Variants in TMEM233 observed in about 807,000 individuals in gnomAD.
TMEM233 encodes the protein transmembrane protein 233.
A neutral mutation model predicts 11.2 loss-of-function variants in TMEM233; 6 were observed. That is an observed-to-expected ratio of 0.54 (90% confidence interval 0.29 to 1.06). The LOEUF is 1.06. Ranked by LOEUF, TMEM233 falls within the 50% of genes least tolerant of loss-of-function variation. The pLI is 0.08. For missense variants in TMEM233, 127 were observed against 144.7 expected (o/e 0.88, Z 0.63); for synonymous variants, 59 against 55.8 (o/e 1.06, Z -0.26).
chr12:119,611,903 C>T (rs1954406014), intron 1 of TMEM233, among the ~76,000 whole-genome samples: 1 of 152,176 alleles, frequency 6.6e-6, no homozygotes, highest in African/African-American at 2.4e-5. Flanking sequence ...ATGCCAACCT[C>T]TCTTTCAGTT....
At chr12:119,609,510 C>T (rs991293280) in intron 1 of TMEM233, among the ~76,000 whole-genome samples, 2 of 152,212 alleles carry the variant, frequency 1.3e-5, no homozygotes, top group African/African-American at 4.8e-5. Context: ...AAGGCAGCCC[C>T]TCTTATCACA....
At chr12:119,620,349 A>G (rs7952841) in intron 1 of TMEM233, among the ~76,000 whole-genome samples, 38,198 of 152,152 alleles carry the variant, frequency 0.25, 5,342 homozygotes, top group Middle Eastern at 0.35. Flanking sequence ...CTGCAGGGCA[A>G]TTTGGCTCTA....
At chr12:119,644,203 G>T (rs1431961967), downstream of TMEM233, among the ~76,000 whole-genome samples, 1 of 152,182 alleles carries the variant, frequency 6.6e-6, no homozygotes, top group Admixed American at 6.5e-5. Context: ...CCAGGGGTGT[G>T]TGGTGCCCTC....
chr12:119,598,425 C>A (rs1954091977), intron 1 of TMEM233, among the ~76,000 whole-genome samples: 2 of 152,340 alleles, frequency 1.3e-5, no homozygotes, highest in South Asian at 4.1e-4. Context: ...TAACCAATGA[C>A]TTTTGACTGG....
At position 119,612,108 on chromosome 12, in the gene TMEM233, G is replaced by A. The variant is rs899605600; in HGVS notation, c.187-17628G>A. 1.9e-4 allele frequency among the ~76,000 whole-genome samples: 29 copies of A among 151,880 alleles called. No individual in the cohort carries two copies. The Middle Eastern group carries it at 0.01, about 53-fold the overall frequency. On this transcript the variant is annotated intron_variant, in intron 1 of 2. Transcript: ENST00000426426. ...TCCCGGGTTCAAGTGACTCTCCTGC[G>A]TCAGCCTCCTGAGTAGCTGGGACTA...
intron 1 of TMEM233, among the ~76,000 whole-genome samples, chr12:119,604,099 G>A (rs1954218723): frequency 6.6e-6 from 1 of 152,182 alleles, no homozygotes. Context: ...TTCAGGGCAG[G>A]ACACTCTTCA....
chr12:119,654,247 A>ATTC, the TMEM233 span, among the ~76,000 whole-genome samples: 1 of 152,224 alleles, frequency 6.6e-6, no homozygotes, highest in Non-Finnish European at 1.5e-5. Context: ...TAGTGAAAAT[A>ATTC]TTCTTCAACA....
chr12:119,594,655 T>C lies in TMEM233; in HGVS notation c.186+621T>C, dbSNP rs970950484. Among the ~76,000 whole-genome samples, 2 of 152,186 alleles carry C rather than the reference T, an allele frequency of 1.3e-5. No homozygotes were observed. The highest frequency in any genetic ancestry group is 4.8e-5 in the African/African-American group (2 of 41,458). ...TTCCGCGCTTTGGCACGGCACGCTCTGTCCAGGCAACAGTTTCCTCTCGCT... is the reference window on the plus strand; with the variant it reads ...TTCCGCGCTTTGGCACGGCACGCTCCGTCCAGGCAACAGTTTCCTCTCGCT... On this transcript the variant is annotated intron_variant, in intron 1 of 2. Coordinates refer to ENST00000426426, the MANE Select transcript of TMEM233 (RefSeq NM_001136534.3). The surrounding 1 kb of genome is among the most constrained non-coding windows in gnomAD (Gnocchi z 5.6).
In TMEM233 at chr12:119,594,120, G is replaced by A; in HGVS notation, c.186+86G>A. ...GCAGGGGAGTCCGCGCGCTCTCTGC[G>A]GCTCCCTTCCTCACGGCCCGGCCCG... On this transcript the variant is annotated intron_variant, in intron 1 of 2. Transcript: ENST00000426426. This position sits in a 1 kb window ranked among gnomAD's most constrained non-coding sequence, Gnocchi z 5.6. The A allele has an allele frequency of 7.3e-7, 1 of 1,372,556 alleles. No homozygotes were observed. 85.0% of individuals were successfully genotyped at this position (1,372,556 alleles called of 1,614,324 possible).
rs1045482750 is a variant in TMEM233 at position 119,594,119 on chromosome 12, C to A, written c.186+85C>A. The A allele has an allele frequency of 1.5e-5, 21 of 1,368,798 alleles. No homozygotes were observed. The highest frequency in any genetic ancestry group is 2.0e-5 in the Non-Finnish European group (20 of 1,005,932). 84.8% of individuals were successfully genotyped at this position (1,368,798 alleles called of 1,614,324 possible). A position where few individuals can be genotyped will look rare whatever the true frequency, so the allele number is the denominator to read the frequency against. ...TGCAGGGGAGTCCGCGCGCTCTCTG[C>A]GGCTCCCTTCCTCACGGCCCGGCCC... On this transcript the variant is annotated intron_variant, in intron 1 of 2. Transcript: ENST00000426426. The surrounding 1 kb of genome is among the most constrained non-coding windows in gnomAD (Gnocchi z 5.6).
At chr12:119,600,952 T>C (rs1954152158) in intron 1 of TMEM233, among the ~76,000 whole-genome samples, 1 of 152,156 alleles carries the variant, frequency 6.6e-6, no homozygotes, top group Non-Finnish European at 1.5e-5. Flanking sequence ...TTATGTTGTG[T>C]ATATTTTACC....
At position 119,640,938 on chromosome 12, in the gene TMEM233, GAAAAGAAAACAGAA is replaced by G. The variant is rs1402106922; in HGVS notation, c.*243_*256del. The G allele has an allele frequency of 2.0e-6, 1 of 503,504 alleles. No homozygotes were observed. The highest frequency in any genetic ancestry group is 3.1e-5 in the East Asian group (1 of 32,754). 31.2% of individuals were successfully genotyped at this position (503,504 alleles called of 1,614,324 possible). On this transcript the variant is annotated 3_prime_UTR_variant, in exon 3 of 3. Transcript: ENST00000426426. ...GCCAAAGTCATTGATTTGTAAAAAT[GAAAAGAAAACAGAA>G]AAAAGAAAAATGAAGTCTCACTGTC...
chr12:119,645,789 GGT>G (rs1955143977), downstream of TMEM233, among the ~76,000 whole-genome samples: 1 of 152,092 alleles, frequency 6.6e-6, no homozygotes, highest in Non-Finnish European at 1.5e-5. Context: ...CACCCACACT[GGT>G]TCACTGATGC....
intron 1 of TMEM233, among the ~76,000 whole-genome samples, 200 bp from the exon 2 acceptor site, chr12:119,629,536 G>T (rs1777676688): frequency 6.6e-6 from 1 of 152,216 alleles, no homozygotes; most frequent in African/African-American, 2.4e-5. Flanking sequence ...ATACAGAGGG[G>T]GCAGTTAACT....
intron 2 of TMEM233, among the ~76,000 whole-genome samples, chr12:119,640,391 C>T (rs1258535392): frequency 6.6e-6 from 1 of 152,070 alleles, no homozygotes; most frequent in East Asian, 1.9e-4. Context: ...CTCCTGACCT[C>T]GTGATCCACC....
intron 1 of TMEM233, among the ~76,000 whole-genome samples, chr12:119,608,209 C>A (rs1450621773): frequency 1.3e-5 from 2 of 152,162 alleles, no homozygotes; most frequent in Non-Finnish European, 2.9e-5. Flanking sequence ...TATAAGCCCA[C>A]TTTTTGGATC....
At chr12:119,638,752 C>T (rs756345294) in intron 2 of TMEM233, among the ~76,000 whole-genome samples, 2 of 152,042 alleles carry the variant, frequency 1.3e-5, no homozygotes, top group Non-Finnish European at 2.9e-5. Flanking sequence ...AACATGAAGA[C>T]AGGGCCAGGT....
the TMEM233 span, among the ~76,000 whole-genome samples, chr12:119,649,038 C>T: frequency 2.8e-4 from 42 of 152,314 alleles, no homozygotes; most frequent in African/African-American, 9.1e-4. Context: ...TGGCTCATGC[C>T]TGTAATCCCA....
At chr12:119,632,993 T>C (rs1954914856) in intron 2 of TMEM233, among the ~76,000 whole-genome samples, 1 of 152,136 alleles carries the variant, frequency 6.6e-6, no homozygotes. Flanking sequence ...AGTGTTTTTA[T>C]CTGGGGATGA....
Sources: gnomAD v4.1 joint callset for allele counts (sites outside exome capture counted in the v4.1 genomes callset) on GRCh38, gnomAD v4.1.1 for gene constraint, Gnocchi (gnomAD v3.1) non-coding constraint, MANE v1.5 for transcripts, NCBI Gene and HGNC (gene_info 2026-07-23, HGNC 2026-07-21) for gene names.